The following PIP5K1A variants were observed in gnomAD, a reference collection of about 807,000 sequenced individuals.
The protein encoded by PIP5K1A is phosphatidylinositol 4-phosphate 5-kinase type-1 alpha.
In PIP5K1A, 46 loss-of-function variants were observed where a neutral mutation model predicts 72.9. The ratio of observed to expected loss-of-function variants is 0.63; its 90% confidence interval spans 0.50 to 0.81. The LOEUF (loss-of-function observed/expected upper bound fraction) is 0.81. Ranked by LOEUF, PIP5K1A falls within the 30% of genes least tolerant of loss-of-function variation. PIP5K1A has a pLI of 0.00. For missense variants in PIP5K1A, 458 were observed against 706.1 expected (o/e 0.65, Z 3.98); for synonymous variants, 228 against 255.1 (o/e 0.89, Z 1.01).
chr1:151,220,687 G>A (rs1208991087), intron 1 of PIP5K1A, among the ~76,000 whole-genome samples: 2 of 151,972 alleles, frequency 1.3e-5, no homozygotes, highest in Non-Finnish European at 2.9e-5. Flanking sequence ...GGCTGGTCTC[G>A]AACTCCTGAC....
chr1:151,216,057 G>A (rs1687551526), intron 1 of PIP5K1A: 6 of 910,292 alleles, frequency 6.6e-6, no homozygotes, highest in Non-Finnish European at 9.5e-6. Flanking sequence ...GTAACTAGCA[G>A]CCAATTCCTC....
At position 151,232,241 on chromosome 1, in the gene PIP5K1A, C is replaced by CTA; in HGVS notation, c.369-7_369-6insTA. The CTA allele has an allele frequency of 6.3e-7, 1 of 1,595,568 alleles. No individual in the cohort carries two copies. Among genetic ancestry groups the CTA allele is most frequent in the Non-Finnish European group, 8.6e-7 (1 of 1,163,112 alleles). On this transcript the variant is annotated splice_region_variant and splice_polypyrimidine_tract_variant and intron_variant, in intron 5 of 15. Coordinates refer to ENST00000368888, the MANE Select transcript of PIP5K1A (RefSeq NM_001135638.2). ...CAAGTTATGGCTACCTCTGTTTAAC[C>CTA]CCACAGTGAAGGGAGCAACCTGACC...
At chr1:151,208,194 A>G (rs1161530024) in intron 1 of PIP5K1A, among the ~76,000 whole-genome samples, 5 of 151,934 alleles carry the variant, frequency 3.3e-5, no homozygotes, top group South Asian at 4.2e-4. Flanking sequence ...TTAATTGGCT[A>G]TTAGCTGAGG....
At chr1:151,244,027 T>G (rs773541898) in intron 14 of PIP5K1A, among the ~76,000 whole-genome samples, 53 of 152,110 alleles carry the variant, frequency 3.5e-4, no homozygotes, top group Non-Finnish European at 6.5e-4. Context: ...CTGAAAATAC[T>G]TGAGAGCCTG....
At position 151,224,240 on chromosome 1, in the gene PIP5K1A, C is replaced by T; in HGVS notation, c.86-5C>T. 1 of 1,612,352 alleles carries T rather than the reference C, an allele frequency of 6.2e-7. No homozygotes were observed. On this transcript the variant is annotated splice_polypyrimidine_tract_variant and splice_region_variant and intron_variant, in intron 1 of 15. Coordinates refer to ENST00000368888, the MANE Select transcript of PIP5K1A (RefSeq NM_001135638.2). The stretch of plus-strand genomic sequence containing the variant: ...CTCTTATGATTGTTTTTTTTTCCCC[C>T]CTAGCAGCATCTGGAATCAAGAGAC...
Position 151,241,972 on chromosome 1 carries a change from A to T in PIP5K1A, c.1364-151A>T, listed in dbSNP as rs1370038755. The T allele has an allele frequency of 5.5e-6, 4 of 721,538 alleles. No individual in the cohort carries two copies. The Admixed American group carries it at 8.9e-5, about 16-fold the overall frequency. 44.7% of individuals were successfully genotyped at this position (721,538 alleles called of 1,614,324 possible). ...CTAACACCTTGTTCTCTGAATAGTA[A>T]TTCATAGGCCTGTCTTTGTTGACAT... On this transcript the variant is annotated intron_variant, in intron 12 of 15. Coordinates refer to ENST00000368888, the MANE Select transcript of PIP5K1A (RefSeq NM_001135638.2).
chr1:151,234,813 G>T (rs1455426510), intron 8 of PIP5K1A, among the ~76,000 whole-genome samples: 1 of 152,218 alleles, frequency 6.6e-6, no homozygotes, highest in African/African-American at 2.4e-5. Context: ...TATTTTGGAA[G>T]CTGAGTGCTG....
upstream of PIP5K1A, chr1:151,197,999 G>A (rs1684708508): frequency 2.1e-6 from 1 of 465,316 alleles, no homozygotes; most frequent in South Asian, 1.6e-5. Context: ...GCCCTTTTTT[G>A]ACAGGTCTTC....
intron 3 of PIP5K1A, 72 bp downstream of exon 3, chr1:151,224,478 T>G: frequency 8.9e-7 from 1 of 1,122,604 alleles, no homozygotes; most frequent in South Asian, 1.3e-5. Context: ...TCACATTTAT[T>G]GAGCATTTTT....
chr1:151,222,568 A>C (rs1183397283), intron 1 of PIP5K1A, among the ~76,000 whole-genome samples: 6 of 152,076 alleles, frequency 3.9e-5, no homozygotes. Context: ...TTTTGCATAC[A>C]GAGGAGCTTA....
At chr1:151,220,703 G>A (rs1394016178) in intron 1 of PIP5K1A, among the ~76,000 whole-genome samples, 5 of 152,142 alleles carry the variant, frequency 3.3e-5, no homozygotes, top group Non-Finnish European at 4.4e-5. Flanking sequence ...CTGACCTCAC[G>A]TGATCCACCT....
chr1:151,213,973 T>C (rs149091135), intron 1 of PIP5K1A, among the ~76,000 whole-genome samples: 1 of 152,228 alleles, frequency 6.6e-6, no homozygotes, highest in Non-Finnish European at 1.5e-5. Flanking sequence ...AACATTTTGG[T>C]ATATAATCTT....
Position 151,224,279 on chromosome 1 carries a change from G to C in PIP5K1A, c.120G>C (p.Glu40Asp). 1 of 1,613,142 alleles carries C rather than the reference G, an allele frequency of 6.2e-7. No individual in the cohort carries two copies. The highest frequency in any genetic ancestry group is 8.5e-7 in the Non-Finnish European group (1 of 1,179,222). Residue 40 changes from glutamate to aspartate, a missense_variant and splice_region_variant, in exon 2 of 16, where the codon GAG (glutamate) becomes GAC (aspartate). Coordinates refer to ENST00000368888, the MANE Select transcript of PIP5K1A (RefSeq NM_001135638.2). The stretch of plus-strand genomic sequence containing the variant: ...GAATCAAGAGACCCATGGCATCTGA[G>C]GTGAGTTTCATACTGATACAATGGT... ...ASGIKRPMAS[E>D]VLEARQDSYI...
chr1:151,218,663 G>A (rs587767286), intron 1 of PIP5K1A, among the ~76,000 whole-genome samples: 9 of 151,984 alleles, frequency 5.9e-5, no homozygotes, highest in African/African-American at 1.9e-4. Flanking sequence ...GTGAAACCCC[G>A]TCTTGACTGA....
chr1:151,227,492 G>T, intron 4 of PIP5K1A, 92 bp downstream of exon 4: 2 of 733,456 alleles, frequency 2.7e-6, no homozygotes, highest in Non-Finnish European at 4.7e-6. Context: ...TCCATGTACT[G>T]TCCTGTTTCT....
At chr1:151,242,384 C>G in intron 13 of PIP5K1A, 54 bp from the exon 14 acceptor site, 7 of 1,607,732 alleles carry the variant, frequency 4.4e-6, no homozygotes, top group Non-Finnish European at 6.0e-6. Flanking sequence ...AGCCTAGCTG[C>G]TACATATTTT....
rs116145238 is a variant in PIP5K1A at position 151,237,050 on chromosome 1, G to A, written c.1145+287G>A. Among the ~76,000 whole-genome samples the A allele has an allele frequency of 6.2e-3, 939 of 152,018 alleles. 8 individuals are homozygous for A. The highest frequency in any genetic ancestry group is 0.014 in the Middle Eastern group (4 of 292). On this transcript the variant is annotated intron_variant, in intron 9 of 15. Coordinates refer to ENST00000368888, the MANE Select transcript of PIP5K1A (RefSeq NM_001135638.2). The stretch of plus-strand genomic sequence containing the variant: ...CATCATGTTGGGCAAACTAGTCTAC[G>A]AACTCCTGACCTCAGGTGATCCACC...
At position 151,224,940 on chromosome 1, in the gene PIP5K1A, C is replaced by T. The variant is rs114653083; in HGVS notation, c.156+534C>T. On this transcript the variant is annotated intron_variant, in intron 3 of 15. Transcript: ENST00000368888. The stretch of plus-strand genomic sequence containing the variant: ...CTTTTGACCTGGGACTTCAAACTTT[C>T]TCTCAGAACATCTTCCAGCATCTGT... Among the ~76,000 whole-genome samples, 1,379 of 152,282 alleles carry T rather than the reference C, an allele frequency of 9.1e-3. 29 individuals are homozygous for T. Among genetic ancestry groups the T allele is most frequent in the African/African-American group, 0.032 (1,309 of 41,546 alleles).
intron 4 of PIP5K1A, among the ~76,000 whole-genome samples, chr1:151,231,297 A>G (rs1690028770): frequency 6.6e-6 from 1 of 152,110 alleles, no homozygotes; most frequent in Non-Finnish European, 1.5e-5. Context: ...GGCTCCAGAT[A>G]CACTCTGGGG....
Sources: allele counts gnomAD v4.1 joint callset (sites outside exome capture counted in the v4.1 genomes callset), GRCh38; gene constraint gnomAD v4.1.1; transcripts MANE v1.5; gene names NCBI Gene and HGNC (gene_info 2026-07-23, HGNC 2026-07-21).